The following PRICKLE4 variants were observed in gnomAD, a reference collection of about 807,000 sequenced individuals.
PRICKLE4 encodes prickle-like protein 4.
PRICKLE4 carries 40 observed loss-of-function variants against 43.5 expected under a neutral mutation model. The ratio of observed to expected loss-of-function variants is 0.92; its 90% CI spans 0.71 to 1.20. The LOEUF (loss-of-function observed/expected upper bound fraction) is 1.20. PRICKLE4 is among the 50% of genes most tolerant of loss of function. The pLI, the probability that PRICKLE4 is intolerant of heterozygous loss-of-function variation, is 0.00. For missense variants in PRICKLE4, 527 were observed against 491.2 expected (o/e 1.07, Z -0.69); for synonymous variants, 208 against 197.4 (o/e 1.05, Z -0.45).
rs753063079 is a variant in PRICKLE4 at position 41,786,184 on chromosome 6, C to T, written c.639C>T (p.His213=). ...AGGGACAGCGCTGGCATGAGAACCA[C>T]TTCTGTTGCCAGGACTGCGCCGGGC... ...EAEGQRWHEN[H]FCCQDCAGPL... The change falls in exon 7 of 8, where the codon CAC becomes CAT. Residue 213 remains histidine, a synonymous_variant. Coordinates refer to ENST00000458694, the MANE Select transcript of PRICKLE4 (RefSeq NM_013397.6). 5 of 1,612,784 alleles carry T rather than the reference C, an allele frequency of 3.1e-6. No individual in the cohort carries two copies. Among genetic ancestry groups the T allele is most frequent in the Non-Finnish European group, 4.2e-6 (5 of 1,179,268 alleles).
intron 3 of PRICKLE4, 49 bp from the exon 4 acceptor site, chr6:41,784,082 G>A: frequency 7.2e-7 from 1 of 1,397,338 alleles, no homozygotes; most frequent in Non-Finnish European, 1.0e-6. Flanking sequence ...GAAGGAGAAA[G>A]GAAAGAAAAA....
At position 41,786,880 on chromosome 6, in the gene PRICKLE4, G is replaced by T; in HGVS notation, c.906G>T (p.Leu302=). ...GGSSLQTQRG[L]PGSSPQQENR... Reference sequence around the variant, plus strand: ...CCAGCCTGCAAACTCAGAGGGGGCTGCCTGGATCCAGTCCCCAGCAGGAGA... The same window carrying T: ...CCAGCCTGCAAACTCAGAGGGGGCTTCCTGGATCCAGTCCCCAGCAGGAGA... Residue 302 remains leucine (L), a synonymous_variant, in exon 8 of 8, where the codon CTG becomes CTT. Coordinates refer to ENST00000458694, the MANE Select transcript of PRICKLE4 (RefSeq NM_013397.6). 6.2e-7 allele frequency: 1 copy of T among 1,608,504 alleles called. No homozygotes were observed. Among genetic ancestry groups the T allele is most frequent in the Non-Finnish European group, 8.5e-7 (1 of 1,176,368 alleles).
rs765706813 is a variant in PRICKLE4, at chr6:41,786,183, A to G, written c.638A>G (p.His213Arg). The G allele has an allele frequency of 5.6e-6, 9 of 1,612,638 alleles. No individual in the cohort carries two copies. The highest frequency in any genetic ancestry group is 6.8e-6 in the Non-Finnish European group (8 of 1,179,174). ...EAEGQRWHEN[H>R]FCCQDCAGPL... ...GAGGGACAGCGCTGGCATGAGAACC[A>G]CTTCTGTTGCCAGGACTGCGCCGGG... The change falls in exon 7 of 8, where the codon CAC becomes CGC. Residue 213 changes from histidine (H) to arginine (R), a missense_variant. Physicochemically the swap from His to Arg is conservative, Grantham distance 29. Transcript: ENST00000458694.
At position 41,784,998 on chromosome 6, in the gene PRICKLE4, C is replaced by G; in HGVS notation, c.304C>G (p.Arg102Gly). ...RAELQLFCAR[R>G]KQEALGQGVA... ...CGAGCTGCAGCTCTTCTGTGCCAGG[C>G]GGAAGCAGGAAGCCCTGGGACAGGG... is the stretch of plus-strand genomic sequence containing the variant. The change falls in exon 5 of 8, where the codon CGG becomes GGG. Residue 102 changes from arginine (R) to glycine (G), a missense_variant. Arg to Gly is a moderately radical substitution (Grantham distance 125, BLOSUM62 -2). Coordinates refer to ENST00000458694, the MANE Select transcript of PRICKLE4 (RefSeq NM_013397.6). 1.2e-6 allele frequency: 2 copies of G among 1,613,686 alleles called. No individual in the cohort carries two copies. The highest frequency in any genetic ancestry group is 4.5e-5 in the East Asian group (2 of 44,870).
intron 2 of PRICKLE4, 24 bp from the exon 3 acceptor site, chr6:41,783,438 G>A (rs1772584203): frequency 1.4e-6 from 2 of 1,461,698 alleles, no homozygotes; most frequent in African/African-American, 1.4e-5. Context: ...AATACATGGA[G>A]GTGTTCTTAT....
At chr6:41,783,389 A>G (rs1004079126) in intron 2 of PRICKLE4, 73 bp from the exon 3 acceptor site, 23 of 1,382,828 alleles carry the variant, frequency 1.7e-5, no homozygotes, top group Middle Eastern at 4.1e-4. Flanking sequence ...AATAATATCT[A>G]TAAAGCACTT....
In PRICKLE4 at chr6:41,783,554, C is replaced by G. The variant is rs977635179; in HGVS notation, c.81C>G (p.Asp27Glu). Residue 27 changes from aspartate to glutamate, a missense_variant, in exon 3 of 8, where the codon GAC (aspartate) becomes GAG (glutamate). Coordinates refer to ENST00000458694, the MANE Select transcript of PRICKLE4 (RefSeq NM_013397.6). ...PQDPGPPANS[D>E]SDSGHLPGED... ...ATCCAGGTCCACCAGCCAACTCAGACAGTGACTCAGGCCACCTGCCGGGGG... is the reference window on the plus strand; with the variant it reads ...ATCCAGGTCCACCAGCCAACTCAGAGAGTGACTCAGGCCACCTGCCGGGGG... 2.5e-6 allele frequency: 4 copies of G among 1,613,694 alleles called. No individual in the cohort carries two copies. The highest frequency in any genetic ancestry group is 3.4e-6 in the Non-Finnish European group (4 of 1,179,806).
intron 6 of PRICKLE4, 59 bp from the exon 7 acceptor site, chr6:41,786,069 G>GATGAATGAATGAGGGA: frequency 1.3e-6 from 2 of 1,541,024 alleles, no homozygotes. Context: ...GTGGTTACTG[G>GATGAATGAATGAGGGA]ATGAATGAAT....
intron 7 of PRICKLE4, 163 bp downstream of exon 7, chr6:41,786,495 C>T (rs1581979842): frequency 3.8e-6 from 4 of 1,052,484 alleles, no homozygotes; most frequent in Admixed American, 2.0e-5. Context: ...GCTCTCACCG[C>T]GCATCCCTGG....
In PRICKLE4 at chr6:41,785,012, C is replaced by T. The variant is rs765361297; in HGVS notation, c.318C>T (p.Ala106=). 1 of 1,613,600 alleles carries T rather than the reference C, an allele frequency of 6.2e-7. No individual in the cohort carries two copies. Among genetic ancestry groups the T allele is most frequent in the Non-Finnish European group, 8.5e-7 (1 of 1,179,880 alleles). ...TCTGTGCCAGGCGGAAGCAGGAAGC[C>T]CTGGGACAGGGGGTAGCCCGCCTGG... ...QLFCARRKQE[A]LGQGVARLVL... The change falls in exon 5 of 8, where the codon GCC becomes GCT. Residue 106 remains alanine (A), a synonymous_variant. Transcript: ENST00000458694.
chr6:41,784,038 G>A, intron 3 of PRICKLE4, 93 bp from the exon 4 acceptor site: 1 of 933,110 alleles, frequency 1.1e-6, no homozygotes, highest in South Asian at 1.6e-5. Flanking sequence ...AGCTGCTCTA[G>A]ATTGGAGAAG....
chr6:41,784,797 C>A, intron 4 of PRICKLE4, 138 bp from the exon 5 acceptor site: 6 of 1,117,376 alleles, frequency 5.4e-6, no homozygotes, highest in Non-Finnish European at 7.7e-6. Context: ...ATTTCCTCTT[C>A]TATGCCATTA....
At chr6:41,781,978 T>G (rs1454117724) in intron 2 of PRICKLE4, among the ~76,000 whole-genome samples, 2 of 152,222 alleles carry the variant, frequency 1.3e-5, no homozygotes, top group Non-Finnish European at 2.9e-5. Flanking sequence ...CGAGCTCTGA[T>G]TGATCCCATT....
intron 4 of PRICKLE4, 89 bp downstream of exon 4, chr6:41,784,327 G>C: frequency 9.1e-7 from 1 of 1,101,396 alleles, no homozygotes; most frequent in Non-Finnish European, 1.3e-6. Flanking sequence ...CCAGAAGTTA[G>C]GGGATGTGGA....
rs760333739 is a variant in PRICKLE4, at chr6:41,786,178, G to C, written c.633G>C (p.Glu211Asp). 24 of 1,613,128 alleles carry C rather than the reference G, an allele frequency of 1.5e-5. No individual in the cohort carries two copies. Among genetic ancestry groups the C allele is most frequent in the Non-Finnish European group, 2.0e-5 (24 of 1,179,504 alleles). Residue 211 changes from glutamate to aspartate, a missense_variant, in exon 7 of 8, where the codon GAG becomes GAC. Glu to Asp is a conservative substitution (Grantham distance 45). Coordinates refer to ENST00000458694, the MANE Select transcript of PRICKLE4 (RefSeq NM_013397.6). The part of the protein sequence containing the change: ...CTEAEGQRWH[E>D]NHFCCQDCAG... Reference sequence around the variant, plus strand: ...AGGCGGAGGGACAGCGCTGGCATGAGAACCACTTCTGTTGCCAGGACTGCG... The same window carrying C: ...AGGCGGAGGGACAGCGCTGGCATGACAACCACTTCTGTTGCCAGGACTGCG...
In PRICKLE4 at chr6:41,786,428, C is replaced by T. The variant is rs1348114847; in HGVS notation, c.787+96C>T. ...ACCCTCGCCCCGGTCCCACGCCGTCCCGTCCCTCCAGGAGCGCCCCCACCG... is the reference window on the plus strand; with the variant it reads ...ACCCTCGCCCCGGTCCCACGCCGTCTCGTCCCTCCAGGAGCGCCCCCACCG... On this transcript the variant is annotated intron_variant, in intron 7 of 7. Transcript: ENST00000458694. 6 of 1,381,984 alleles carry T rather than the reference C, an allele frequency of 4.3e-6. No individual in the cohort carries two copies. The African/African-American group carries it at 5.8e-5, about 13-fold the overall frequency. 85.6% of individuals were successfully genotyped at this position (1,381,984 alleles called of 1,614,324 possible). A position where few individuals can be genotyped will look rare whatever the true frequency, so the allele number is the denominator to read the frequency against.
Position 41,786,555 on chromosome 6 carries a change from T to C in PRICKLE4, c.788-207T>C, listed in dbSNP as rs993419953. On this transcript the variant is annotated intron_variant, in intron 7 of 7. Coordinates refer to ENST00000458694, the MANE Select transcript of PRICKLE4 (RefSeq NM_013397.6). ...AACCCACCCCGCGCCGCGGTCGGGG[T>C]TGCGGCGCCAGACTCCCTCCCAGGC... is the stretch of plus-strand genomic sequence containing the variant. 2.6e-5 allele frequency: 27 copies of C among 1,039,666 alleles called. No individual in the cohort carries two copies. The African/African-American group carries it at 3.8e-4, about 15-fold the overall frequency. 64.4% of individuals were successfully genotyped at this position (1,039,666 alleles called of 1,614,324 possible).
chr6:41,786,752 C>A lies in PRICKLE4; in HGVS notation c.788-10C>A, dbSNP rs2127307845. 1 of 1,612,956 alleles carries A rather than the reference C, an allele frequency of 6.2e-7. No homozygotes were observed. The highest frequency in any genetic ancestry group is 1.7e-4 in the Middle Eastern group (1 of 6,060). ...TCTGAGACCAGCGTTTCCGACCCGG[C>A]CCGGAACAGGGGAGACTGGACTCGA... On this transcript the variant is annotated splice_polypyrimidine_tract_variant and intron_variant, in intron 7 of 7. Transcript: ENST00000458694.
intron 3 of PRICKLE4, 192 bp from the exon 4 acceptor site, chr6:41,783,939 A>G (rs868085617): frequency 4.4e-6 from 3 of 683,294 alleles, no homozygotes; most frequent in Non-Finnish European, 7.9e-6. Flanking sequence ...TCCCTCAAGG[A>G]AGACCACACA....
Sources: allele counts gnomAD v4.1 joint callset (sites outside exome capture counted in the v4.1 genomes callset), GRCh38; gene constraint gnomAD v4.1.1; transcripts MANE v1.5; gene names NCBI Gene and HGNC (gene_info 2026-07-23, HGNC 2026-07-21).